The following ANKK1 variants were observed in gnomAD, a reference collection of about 807,000 sequenced individuals.
The protein encoded by ANKK1 is ankyrin repeat and protein kinase domain-containing protein 1.
ANKK1 carries 37 observed loss-of-function variants against 37.6 expected under a neutral mutation model. The ratio of observed to expected loss-of-function variants is 0.98; its 90% CI spans 0.76 to 1.29. The LOEUF (loss-of-function observed/expected upper bound fraction) is 1.29. Ranked by LOEUF, ANKK1 falls within the 50% of genes most tolerant of loss-of-function variation. The probability of loss-of-function intolerance (pLI) is 0.00; values close to 1 mark genes in which losing one functional copy is unlikely to be tolerated. For missense variants in ANKK1, 1,019 were observed against 990.6 expected, an observed-to-expected ratio of 1.03 and a Z score of -0.39; for synonymous variants, 415 against 418.7, an observed-to-expected ratio of 0.99 and a Z score of 0.11.
intron 7 of ANKK1, among the ~76,000 whole-genome samples, chr11:113,398,682 G>A (rs761269687): frequency 6.6e-6 from 1 of 152,136 alleles, no homozygotes; most frequent in Non-Finnish European, 1.5e-5. Context: ...GGGGGATGCT[G>A]AGGAGTGAAA....
chr11:113,398,705 C>T lies in ANKK1; in HGVS notation c.995-259C>T, dbSNP rs374674911. ...CTGAGGAGTGAAATCAGGATTTGCA[C>T]TCGGGCCTCCTGAGCCCACTGCTCT... On this transcript the variant is annotated intron_variant, in intron 7 of 7. Transcript: ENST00000303941. Among the ~76,000 whole-genome samples, 13 of 152,256 alleles carry T rather than the reference C, an allele frequency of 8.5e-5. No homozygotes were observed. In the South Asian group the frequency reaches 1.0e-3, roughly 12 times the overall value.
intron 5 of ANKK1, 71 bp from the exon 6 acceptor site, chr11:113,397,153 T>G (rs1950645380): frequency 8.0e-7 from 1 of 1,249,090 alleles, no homozygotes; most frequent in African/African-American, 1.5e-5. Flanking sequence ...TGTTAGGGTA[T>G]CTAAAACAGG....
At chr11:113,389,404 G>C (rs1408507801) in intron 1 of ANKK1, among the ~76,000 whole-genome samples, 1 of 152,084 alleles carries the variant, frequency 6.6e-6, no homozygotes, top group East Asian at 1.9e-4. Flanking sequence ...TCATCCACTT[G>C]ACAAATGCTT....
chr11:113,392,441 T>C (rs1240618104), intron 1 of ANKK1, among the ~76,000 whole-genome samples: 1 of 152,162 alleles, frequency 6.6e-6, no homozygotes, highest in African/African-American at 2.4e-5. Context: ...AGGAAGAGCA[T>C]GTGGTTTTTC....
intron 5 of ANKK1, 127 bp downstream of exon 5, chr11:113,396,349 T>A (rs1371756694): frequency 8.1e-7 from 1 of 1,237,606 alleles, no homozygotes; most frequent in Admixed American, 2.5e-5. Context: ...GGACTTTTTT[T>A]TTTTTTTTTT....
rs1473852895 is a variant in ANKK1, at chr11:113,396,109, T to C, written c.725T>C (p.Met242Thr). The change falls in exon 5 of 8, where the codon ATG becomes ACG. Residue 242 changes from methionine to threonine, a missense_variant. Transcript: ENST00000303941. ...ATTATTATCCGAGTGGCGGCAGGCA[T>C]GCGGCCCTCCCTACAGCCTGTCTCT... is the stretch of plus-strand genomic sequence containing the variant. Reference protein sequence around the residue: ...MMIIIRVAAGMRPSLQPVSDQ... With the variant: ...MMIIIRVAAGTRPSLQPVSDQ... The C allele has an allele frequency of 1.2e-6, 2 of 1,613,964 alleles. No individual in the cohort carries two copies. The highest frequency in any genetic ancestry group is 1.7e-6 in the Non-Finnish European group (2 of 1,179,894).
At chr11:113,390,091 C>T (rs1054451083) in intron 1 of ANKK1, among the ~76,000 whole-genome samples, 10 of 152,056 alleles carry the variant, frequency 6.6e-5, no homozygotes, top group Non-Finnish European at 1.5e-4. Context: ...GGGAGGATCA[C>T]GATGAGGAAG....
At chr11:113,396,436 C>T (rs961106827) in intron 5 of ANKK1, among the ~76,000 whole-genome samples, 1 of 150,902 alleles carries the variant, frequency 6.6e-6, no homozygotes, top group Non-Finnish European at 1.5e-5. Context: ...AACTCCTGGG[C>T]TCAAGATATC....
At chr11:113,395,999 G>A (rs1194460107) in intron 4 of ANKK1, 68 bp from the exon 5 acceptor site, 18 of 1,570,946 alleles carry the variant, frequency 1.1e-5, no homozygotes, top group Admixed American at 5.2e-5. Context: ...CAGAGCCCCC[G>A]CCTTCCTCCC....
intron 1 of ANKK1, among the ~76,000 whole-genome samples, chr11:113,391,646 G>A (rs192344530): frequency 1.3e-5 from 2 of 152,238 alleles, no homozygotes; most frequent in East Asian, 3.9e-4. Context: ...AAGGACAGAG[G>A]CCCCATTCAC....
chr11:113,388,879 T>G (rs1950567511), intron 1 of ANKK1, among the ~76,000 whole-genome samples: 1 of 152,222 alleles, frequency 6.6e-6, no homozygotes, highest in African/African-American at 2.4e-5. Context: ...AACCTGAGCA[T>G]GATAACCATG....
Position 113,399,100 on chromosome 11 carries a change from G to C in ANKK1, c.1131G>C (p.Gln377His). 6.3e-7 allele frequency: 1 copy of C among 1,594,472 alleles called. No homozygotes were observed. Among genetic ancestry groups the C allele is most frequent in the Non-Finnish European group, 8.5e-7 (1 of 1,170,548 alleles). The change falls in exon 8 of 8, where the codon CAG becomes CAC. Residue 377 changes from glutamine to histidine, a missense_variant. By Grantham distance (24) the Gln-to-His change is conservative. Coordinates refer to ENST00000303941, the MANE Select transcript of ANKK1 (RefSeq NM_178510.2). The part of the protein sequence containing the change: ...HFLVAQGSVE[Q>H]VRLLLAHEVD... The stretch of plus-strand genomic sequence containing the variant: ...TGGTGGCCCAGGGCAGTGTGGAGCA[G>C]GTGAGGTTGCTGCTGGCCCACGAGG...
At chr11:113,396,295 C>G in intron 5 of ANKK1, 73 bp downstream of exon 5, 1 of 1,567,574 alleles carries the variant, frequency 6.4e-7, no homozygotes, top group Non-Finnish European at 8.7e-7. Context: ...CTGGGCACTC[C>G]TGGGAGCTAT....
Position 113,393,683 on chromosome 11 carries a change from G to A in ANKK1, c.388G>A (p.Ala130Thr), listed in dbSNP as rs1950609400. ...RFRIIHETSLAMNFLHSIKPP... is the reference protein window; with the variant it reads ...RFRIIHETSLTMNFLHSIKPP... ...CCGCATCATCCATGAGACCAGCTTG[G>A]CCATGAACTTCCTGCACAGCATTAA... Residue 130 changes from alanine (A) to threonine (T), a missense_variant, in exon 2 of 8, where the codon GCC becomes ACC. By Grantham distance (58) the Ala-to-Thr change is moderately conservative (BLOSUM62 0). Transcript: ENST00000303941. The A allele has an allele frequency of 1.2e-6, 2 of 1,613,910 alleles. No individual in the cohort carries two copies. Among genetic ancestry groups the A allele is most frequent in the Non-Finnish European group, 1.7e-6 (2 of 1,179,848 alleles).
rs1950647821 is a variant in ANKK1, at chr11:113,397,340, G to T, written c.955G>T (p.Glu319Ter). Residue 319 changes from glutamate to a stop codon, truncating the protein, a stop_gained and splice_region_variant, in exon 6 of 8, where the codon GAG (glutamate) becomes TAG (stop). Coordinates refer to ENST00000303941, the MANE Select transcript of ANKK1 (RefSeq NM_178510.2). LOFTEE classifies it low-confidence loss of function (END_TRUNC). ...CAAGCTGTCGCTGCGCCAGCCCGGG[G>T]AGGTGAGTGTGTGGGCTGGGCAGTC... is the stretch of plus-strand genomic sequence containing the variant. The part of the protein sequence containing the change: ...SCKLSLRQPG[E>*]VNEDISQELM... 1.2e-6 allele frequency: 2 copies of T among 1,611,318 alleles called. No homozygotes were observed. The highest frequency in any genetic ancestry group is 2.7e-5 in the African/African-American group (2 of 74,888).
intron 1 of ANKK1, among the ~76,000 whole-genome samples, chr11:113,390,259 G>A (rs917466802): frequency 6.6e-6 from 1 of 152,212 alleles, no homozygotes; most frequent in East Asian, 1.9e-4. Flanking sequence ...TGGCAGTGTT[G>A]ACAATTAATG....
Position 113,399,414 on chromosome 11 carries a change from C to T in ANKK1, c.1445C>T (p.Ser482Phe). The T allele has an allele frequency of 6.2e-7, 1 of 1,600,234 alleles. No individual in the cohort carries two copies. The highest frequency in any genetic ancestry group is 8.5e-7 in the Non-Finnish European group (1 of 1,173,804). Residue 482 changes from serine (S) to phenylalanine (F), a missense_variant, in exon 8 of 8, where the codon TCC becomes TTC. Ser to Phe is a radical substitution (Grantham distance 155). Coordinates refer to ENST00000303941, the MANE Select transcript of ANKK1 (RefSeq NM_178510.2). ...GAGAATGTGGCACGGCTTCTGGTCT[C>T]CCGTCAGGCTGACCCCAACCTGCAT... ...NFENVARLLV[S>F]RQADPNLHEA...
intron 2 of ANKK1, 102 bp from the exon 3 acceptor site, chr11:113,394,827 C>G: frequency 1.3e-6 from 2 of 1,497,740 alleles, no homozygotes; most frequent in Admixed American, 1.9e-5. Flanking sequence ...AACCACTACT[C>G]TACCCTGGAA....
intron 4 of ANKK1, among the ~76,000 whole-genome samples, 162 bp from the exon 5 acceptor site, chr11:113,395,904 GA>G (rs1348795618): frequency 6.6e-6 from 1 of 152,226 alleles, no homozygotes; most frequent in African/African-American, 2.4e-5. Flanking sequence ...GCTCAACACA[GA>G]ACCTCAAGTT....
Sources: allele counts gnomAD v4.1 joint callset (sites outside exome capture counted in the v4.1 genomes callset), GRCh38; gene constraint gnomAD v4.1.1; transcripts MANE v1.5; gene names NCBI Gene and HGNC (gene_info 2026-07-23, HGNC 2026-07-21).